The following PGM1 variants were observed in gnomAD, a reference collection of about 807,000 sequenced individuals.
PGM1 encodes the protein phosphoglucomutase-1.
In PGM1, 52 loss-of-function variants were observed where a neutral mutation model predicts 55.6. That is an observed-to-expected ratio of 0.94 (90% CI 0.75 to 1.18). PGM1 has a LOEUF of 1.18. Ranked by LOEUF, PGM1 falls within the 50% of genes most tolerant of loss-of-function variation. PGM1 has a pLI of 0.00. For missense variants in PGM1, 724 were observed against 729.3 expected (o/e 0.99, Z 0.08); for synonymous variants, 287 against 271.7 (o/e 1.06, Z -0.55).
intron 1 of PGM1, among the ~76,000 whole-genome samples, chr1:63,611,113 A>G (rs1648552910): frequency 6.6e-6 from 1 of 152,188 alleles, no homozygotes; most frequent in African/African-American, 2.4e-5. Flanking sequence ...AGTAGTGCAT[A>G]AAACGGTCTC....
At chr1:63,626,733 A>T (rs1380081018) in intron 1 of PGM1, among the ~76,000 whole-genome samples, 3 of 152,194 alleles carry the variant, frequency 2.0e-5, no homozygotes, top group Non-Finnish European at 4.4e-5. Flanking sequence ...TGGTAAAAAC[A>T]TGTAATAAAA....
chr1:63,642,746 G>A (rs1371408018), intron 7 of PGM1, among the ~76,000 whole-genome samples: 1 of 152,152 alleles, frequency 6.6e-6, no homozygotes, highest in African/African-American at 2.4e-5. Context: ...GTCTTTAAAG[G>A]TTCTAGTGCT....
intron 7 of PGM1, among the ~76,000 whole-genome samples, chr1:63,640,398 T>C (rs151154421): frequency 3.3e-4 from 51 of 152,336 alleles, no homozygotes; most frequent in African/African-American, 1.1e-3. Context: ...CTTCTCTGTT[T>C]TGGATATTCA....
At chr1:63,621,505 T>A (rs1300774703) in intron 1 of PGM1, among the ~76,000 whole-genome samples, 1 of 152,204 alleles carries the variant, frequency 6.6e-6, no homozygotes, top group African/African-American at 2.4e-5. Context: ...AAGACACACA[T>A]GCCAGCCTAA....
In PGM1 at chr1:63,660,045, G is replaced by A. The variant is rs1452185927; in HGVS notation, c.*370G>A. ...TAGGATGTGGCAATGAAATGATGGT[G>A]CAAGTTCCTTTCTCTTTTGTGAATC... On this transcript the variant is annotated 3_prime_UTR_variant, in exon 11 of 11. Transcript: ENST00000371084. The A allele has an allele frequency of 3.3e-6, 1 of 302,912 alleles. No individual in the cohort carries two copies. Among genetic ancestry groups the A allele is most frequent in the Non-Finnish European group, 6.4e-6 (1 of 156,136 alleles). The allele number at this position is 302,912 out of a possible 1,614,324, so 18.8% of individuals were successfully genotyped here. A position where few individuals can be genotyped will look rare whatever the true frequency, so the allele number is the denominator to read the frequency against.
chr1:63,625,659 C>A (rs1648996504), intron 1 of PGM1, among the ~76,000 whole-genome samples: 2 of 152,174 alleles, frequency 1.3e-5, no homozygotes, highest in Non-Finnish European at 2.9e-5. Flanking sequence ...ACCCACTGTG[C>A]CCATAAGCTG....
At chr1:63,627,787 C>T (rs1006209918) in intron 1 of PGM1, among the ~76,000 whole-genome samples, 2 of 152,100 alleles carry the variant, frequency 1.3e-5, no homozygotes, top group Non-Finnish European at 2.9e-5. Context: ...AAATACAACT[C>T]GACAAGCCAC....
At chr1:63,605,704 T>C (rs1171878906) in intron 1 of PGM1, among the ~76,000 whole-genome samples, 1 of 152,124 alleles carries the variant, frequency 6.6e-6, no homozygotes, top group Non-Finnish European at 1.5e-5. Flanking sequence ...AGCCTCAGCC[T>C]GGGACTACAG....
chr1:63,609,594 T>C (rs371928512), intron 1 of PGM1, among the ~76,000 whole-genome samples: 13 of 152,138 alleles, frequency 8.5e-5, no homozygotes, highest in East Asian at 1.9e-4. Context: ...GGTGTAAAAG[T>C]GATACACATT....
Position 63,629,825 on chromosome 1 carries a change from C to T in PGM1, c.410-117C>T. On this transcript the variant is annotated intron_variant, in intron 2 of 10. Transcript: ENST00000371084. Reference sequence around the variant, plus strand: ...CTTTTAGAAAAATCCTGCTACTTTGCTGACTGAATGATGAAATGGTAGATG... The same window carrying T: ...CTTTTAGAAAAATCCTGCTACTTTGTTGACTGAATGATGAAATGGTAGATG... 3 of 1,260,394 alleles carry T rather than the reference C, an allele frequency of 2.4e-6. No homozygotes were observed. In the South Asian group the frequency reaches 3.6e-5, roughly 15 times the overall value. 78.1% of individuals were successfully genotyped at this position (1,260,394 alleles called of 1,614,324 possible).
In PGM1 at chr1:63,659,563, G is replaced by T. The variant is rs11208265; in HGVS notation, c.1600-23G>T. 394,344 of 1,587,978 alleles carry T rather than the reference G, an allele frequency of 0.25. 51,047 individuals are homozygous for T. The highest frequency in any genetic ancestry group is 0.4 in the African/African-American group (29,597 of 74,332). ...TGTGTTTAGAGGAAGTGATGGAAAA[G>T]CTTCTCTCTATGTCTTCCTCAGGTC... On this transcript the variant is annotated intron_variant, in intron 10 of 10. Coordinates refer to ENST00000371084, the MANE Select transcript of PGM1 (RefSeq NM_002633.3).
chr1:63,615,550 CTTTTTTTTTTTTTTTTTTTT>C (rs1161161385), intron 1 of PGM1, among the ~76,000 whole-genome samples: 36 of 62,978 alleles, frequency 5.7e-4, no homozygotes, highest in Non-Finnish European at 7.9e-4. Context: ...TCTTCTTCTT[CTTTTTTTTTTTTTTTTTTTT>C]TTTTTTTTTT....
intron 1 of PGM1, among the ~76,000 whole-genome samples, chr1:63,618,582 T>A (rs905900357): frequency 1.3e-5 from 2 of 152,232 alleles, no homozygotes; most frequent in Non-Finnish European, 2.9e-5. Context: ...ATTTGTATCC[T>A]ATGTGATATA....
At chr1:63,617,730 C>CAAAAAAAAAA in intron 1 of PGM1, among the ~76,000 whole-genome samples, 1 of 43,296 alleles carries the variant, frequency 2.3e-5, no homozygotes, top group Non-Finnish European at 4.4e-5. Flanking sequence ...TGCCTCCCCA[C>CAAAAAAAAAA]AAAAAAAAAA....
intron 1 of PGM1, among the ~76,000 whole-genome samples, chr1:63,605,018 G>T (rs1449358685): frequency 6.6e-6 from 1 of 151,682 alleles, no homozygotes; most frequent in East Asian, 1.9e-4. Flanking sequence ...AGCCATAGGA[G>T]TGTTCACATT....
intron 8 of PGM1, 25 bp from the exon 9 acceptor site, chr1:63,651,644 G>A (rs777729613): frequency 5.6e-6 from 9 of 1,610,878 alleles, no homozygotes; most frequent in Non-Finnish European, 6.8e-6. Context: ...CAGCCCGTGG[G>A]CCTCAACTTC....
intron 3 of PGM1, among the ~76,000 whole-genome samples, chr1:63,630,290 C>G (rs1215921133): frequency 6.6e-6 from 1 of 152,160 alleles, no homozygotes; most frequent in Non-Finnish European, 1.5e-5. Flanking sequence ...TGCCAGGGAT[C>G]AGCTGCATGA....
intron 1 of PGM1, chr1:63,622,998 G>T (rs1648923069): frequency 1.3e-5 from 2 of 158,022 alleles, no homozygotes; most frequent in South Asian, 3.8e-4. Context: ...AGCAGTGAGA[G>T]CCACACCAGG....
At position 63,648,533 on chromosome 1, in the gene PGM1, TGA is replaced by T; in HGVS notation, c.1164_1165del (p.Lys389ArgfsTer40). On this transcript the variant is annotated frameshift_variant, in exon 8 of 11. Coordinates refer to ENST00000371084, the MANE Select transcript of PGM1 (RefSeq NM_002633.3). LOFTEE classifies it high-confidence loss of function. ...CCCCTCCAGGTTCTGACCACATCCG[TGA>T]GAAAGATGGACTGTGGGCTGTCCTT... ...SFGTGSDHIR[E>X]KDGLWAVLAW... 1 of 1,611,100 alleles carries T rather than the reference TGA, an allele frequency of 6.2e-7. No homozygotes were observed. Among genetic ancestry groups the T allele is most frequent in the Middle Eastern group, 1.7e-4 (1 of 6,054 alleles).
Sources: gnomAD v4.1 joint callset for allele counts (sites outside exome capture counted in the v4.1 genomes callset) on GRCh38, gnomAD v4.1.1 for gene constraint, MANE v1.5 for transcripts, NCBI Gene and HGNC (gene_info 2026-07-23, HGNC 2026-07-21) for gene names.